The following PCCB variants were observed in gnomAD, a reference collection of about 807,000 sequenced individuals.
PCCB encodes propionyl-CoA carboxylase subunit beta.
Under a neutral mutation model 60.7 loss-of-function variants are expected in PCCB, and 43 were observed. That is an observed-to-expected ratio of 0.71 (90% CI 0.55 to 0.91). PCCB has a LOEUF of 0.91. Among genes scored for constraint, PCCB ranks in the 40% least tolerant of loss-of-function variants. The pLI, the probability that PCCB is intolerant of heterozygous loss-of-function variation, is 0.00. For synonymous variants in PCCB, 276 were observed against 255.9 expected (o/e 1.08, Z -0.75); for missense variants, 766 against 702.8 (o/e 1.09, Z -1.02).
rs1331723746 is a variant in PCCB at position 136,317,011 on chromosome 3, G to A, written c.1037G>A (p.Arg346Lys). The part of the protein sequence containing the change: ...YAKNIIVGFA[R>K]MNGRTVGIVG... The stretch of plus-strand genomic sequence containing the variant: ...AAGAACATCATTGTTGGTTTTGCAA[G>A]AATGAATGGGAGGACTGTTGGAATT... Residue 346 changes from arginine to lysine, a missense_variant, in exon 10 of 15, where the codon AGA (arginine) becomes AAA (lysine). Arg to Lys is a conservative substitution (Grantham distance 26). Coordinates refer to ENST00000251654, the MANE Select transcript of PCCB (RefSeq NM_000532.5). The A allele has an allele frequency of 2.5e-6, 4 of 1,613,992 alleles. No homozygotes were observed. The highest frequency in any genetic ancestry group is 1.7e-6 in the Non-Finnish European group (2 of 1,179,936).
At position 136,294,549 on chromosome 3, in the gene PCCB, A is replaced by G. The variant is rs144144479; in HGVS notation, c.763+685A>G. Among the ~76,000 whole-genome samples the G allele has an allele frequency of 4.3e-4, 65 of 151,964 alleles. No individual in the cohort carries two copies. In the East Asian group the frequency reaches 4.9e-3, roughly 11 times the overall value. Reference sequence around the variant, plus strand: ...GGTGTCAGACTCTTGGCCTCAAGCAATCTGCCCACCTTGGCTTCCCAAAGT... The same window carrying G: ...GGTGTCAGACTCTTGGCCTCAAGCAGTCTGCCCACCTTGGCTTCCCAAAGT... On this transcript the variant is annotated intron_variant, in intron 7 of 14. Transcript: ENST00000251654.
At chr3:136,271,485 T>A (rs1056633603) in intron 5 of PCCB, among the ~76,000 whole-genome samples, 2 of 152,206 alleles carry the variant, frequency 1.3e-5, no homozygotes, top group African/African-American at 2.4e-5. Flanking sequence ...CTTACCTCCA[T>A]GAGCATGAGA....
At chr3:136,294,042 G>A (rs544351816) in intron 7 of PCCB, among the ~76,000 whole-genome samples, 178 bp downstream of exon 7, 1 of 152,256 alleles carries the variant, frequency 6.6e-6, no homozygotes, top group Admixed American at 6.5e-5. Context: ...AGTGATAAAG[G>A]TAGATTTAGT....
intron 1 of PCCB, among the ~76,000 whole-genome samples, chr3:136,254,096 G>A (rs558196902): frequency 1.2e-4 from 19 of 152,164 alleles, no homozygotes; most frequent in Non-Finnish European, 2.1e-4. Flanking sequence ...CTTTCCTAAG[G>A]GGGAAATAAT....
intron 5 of PCCB, among the ~76,000 whole-genome samples, chr3:136,262,661 C>G (rs907196453): frequency 6.6e-6 from 1 of 152,072 alleles, no homozygotes; most frequent in Non-Finnish European, 1.5e-5. Context: ...CAGTAAGAGG[C>G]TGGGATGAGG....
chr3:136,274,618 A>G (rs1168033302), intron 5 of PCCB, among the ~76,000 whole-genome samples: 1 of 152,146 alleles, frequency 6.6e-6, no homozygotes, highest in Non-Finnish European at 1.5e-5. Context: ...ATCTTTTTGC[A>G]ATGAATTTCC....
chr3:136,319,771 A>G (rs1289078753), intron 10 of PCCB, among the ~76,000 whole-genome samples: 2 of 152,224 alleles, frequency 1.3e-5, no homozygotes, highest in Non-Finnish European at 2.9e-5. Flanking sequence ...GTTGTCGTAT[A>G]TAAGAATTTA....
chr3:136,314,402 T>TC (rs1306556658), intron 9 of PCCB, among the ~76,000 whole-genome samples: 3 of 152,092 alleles, frequency 2.0e-5, no homozygotes, highest in East Asian at 3.9e-4. Flanking sequence ...TTGGGCTGGG[T>TC]GTGGTGGTTC....
chr3:136,271,587 A>T (rs182676752), intron 5 of PCCB, among the ~76,000 whole-genome samples: 109 of 152,258 alleles, frequency 7.2e-4, no homozygotes, highest in African/African-American at 2.6e-3. Flanking sequence ...GGTTAGGTAT[A>T]TTCCTAGGTA....
At chr3:136,283,806 A>G (rs2108181777) in intron 5 of PCCB, 31 bp from the exon 6 acceptor site, 1 of 1,409,020 alleles carries the variant, frequency 7.1e-7, no homozygotes, top group Middle Eastern at 1.8e-4. Flanking sequence ...CATCTCTGTA[A>G]CCAGATGCTT....
chr3:136,289,628 CAG>C (rs1000465662), intron 6 of PCCB, among the ~76,000 whole-genome samples: 3 of 152,028 alleles, frequency 2.0e-5, no homozygotes, highest in African/African-American at 7.2e-5. Context: ...CATTGACATT[CAG>C]AGAGATTGTT....
intron 5 of PCCB, among the ~76,000 whole-genome samples, chr3:136,263,333 T>G (rs1941881912): frequency 6.6e-6 from 1 of 150,804 alleles, no homozygotes; most frequent in South Asian, 2.1e-4. Flanking sequence ...TGGCATGATC[T>G]CTGCTCACTG....
At chr3:136,316,391 C>T (rs1022989329) in intron 9 of PCCB, among the ~76,000 whole-genome samples, 4 of 152,090 alleles carry the variant, frequency 2.6e-5, no homozygotes, top group Non-Finnish European at 5.9e-5. Context: ...TCTTGGCTTG[C>T]TGCAACCTCT....
At position 136,250,567 on chromosome 3, in the gene PCCB, T is replaced by TGAGGGGCCTAAGTGAGTCCC. The variant is rs1205510892; in HGVS notation, c.183+11_183+30dup. The TGAGGGGCCTAAGTGAGTCCC allele has an allele frequency of 3.7e-6, 6 of 1,608,862 alleles. No individual in the cohort carries two copies. Among genetic ancestry groups the TGAGGGGCCTAAGTGAGTCCC allele is most frequent in the African/African-American group, 2.7e-5 (2 of 74,878 alleles). On this transcript the variant is annotated intron_variant, in intron 1 of 14. Coordinates refer to ENST00000251654, the MANE Select transcript of PCCB (RefSeq NM_000532.5). Reference sequence around the variant, plus strand: ...ACGCGCAGCACAAGCGAGTGAGTCCTGAGGGGCCTAAGTGAGTCCCGCCCC... The same window carrying TGAGGGGCCTAAGTGAGTCCC: ...ACGCGCAGCACAAGCGAGTGAGTCCTGAGGGGCCTAAGTGAGTCCCGAGGGGCCTAAGTGAGTCCCGCCCC...
At chr3:136,325,351 A>C (rs1935266571) in intron 10 of PCCB, among the ~76,000 whole-genome samples, 2 of 149,858 alleles carry the variant, frequency 1.3e-5, no homozygotes, top group Non-Finnish European at 1.5e-5. Flanking sequence ...TTGCCTATTT[A>C]TTTCCTTTCC....
chr3:136,281,871 T>G (rs181377759), intron 5 of PCCB, among the ~76,000 whole-genome samples: 3 of 152,326 alleles, frequency 2.0e-5, no homozygotes, highest in African/African-American at 2.4e-5. Flanking sequence ...ATTGAAATTT[T>G]AGTTCTCTTA....
In PCCB at chr3:136,326,884, T is replaced by C. The variant is rs1189355322; in HGVS notation, c.1172T>C (p.Phe391Ser). 6.2e-7 allele frequency: 1 copy of C among 1,611,672 alleles called. No homozygotes were observed. The highest frequency in any genetic ancestry group is 8.5e-7 in the Non-Finnish European group (1 of 1,177,720). Reference protein sequence around the residue: ...CDAFNIPLITFVDVPGFLPGT... With the variant: ...CDAFNIPLITSVDVPGFLPGT... ...GCATTCAATATTCCACTCATCACTT[T>C]TGTTGATGTCCCTGGCTTTCTACCT... Residue 391 changes from phenylalanine to serine, a missense_variant, in exon 11 of 15, where the codon TTT becomes TCT. Phe to Ser is a radical substitution (Grantham distance 155). Transcript: ENST00000251654.
chr3:136,299,646 A>G (rs1455134502), intron 8 of PCCB, among the ~76,000 whole-genome samples: 1 of 108,656 alleles, frequency 9.2e-6, no homozygotes, highest in Non-Finnish European at 1.9e-5. Flanking sequence ...GTATGTATGT[A>G]TATGCATGTG....
chr3:136,264,450 A>ATATATATATATATATATATG (rs1941922178), intron 5 of PCCB, among the ~76,000 whole-genome samples: 1 of 143,866 alleles, frequency 7.0e-6, no homozygotes, highest in African/African-American at 2.6e-5. Context: ...GTATATATGT[A>ATATATATATATATATATATG]TATATATATA....
Sources: allele counts gnomAD v4.1 joint callset (sites outside exome capture counted in the v4.1 genomes callset), GRCh38; gene constraint gnomAD v4.1.1; transcripts MANE v1.5; gene names NCBI Gene and HGNC (gene_info 2026-07-23, HGNC 2026-07-21).